The following DIAPH2 variants were observed in gnomAD, a reference collection of about 807,000 sequenced individuals.
DIAPH2 encodes the protein protein diaphanous homolog 2.
A neutral mutation model predicts 92.7 loss-of-function variants in DIAPH2; 35 were observed. The ratio of observed to expected loss-of-function variants is 0.38; its 90% CI spans 0.29 to 0.50. The LOEUF is 0.50. Ranked by LOEUF, DIAPH2 falls within the 20% of genes least tolerant of loss-of-function variation. The probability of loss-of-function intolerance (pLI) is 0.94; values close to 1 mark genes in which losing one functional copy is unlikely to be tolerated. For synonymous variants in DIAPH2, 301 were observed against 280.4 expected (o/e 1.07, Z -0.73); for missense variants, 701 against 819.5 (o/e 0.86, Z 1.77).
chrX:96,732,007 G>T (rs1454899057), intron 1 of DIAPH2, among the ~76,000 whole-genome samples: 1 of 110,458 alleles, frequency 9.1e-6, no homozygotes, highest in Admixed American at 9.7e-5. Context: ...AAGATTTTTG[G>T]GGGGGTCATT....
intron 23 of DIAPH2, among the ~76,000 whole-genome samples, chrX:97,302,595 G>C (rs752224299): frequency 9.0e-6 from 1 of 111,678 alleles, no homozygotes; most frequent in Admixed American, 9.6e-5. Flanking sequence ...CCTCTGAGGA[G>C]GCAGTGTAAC....
chrX:96,955,810 G>C (rs1018634656), intron 15 of DIAPH2, among the ~76,000 whole-genome samples: 3 of 112,623 alleles, frequency 2.7e-5, no homozygotes, highest in African/African-American at 9.7e-5. Context: ...CACAACCTTG[G>C]GCAGCTTTGC....
intron 4 of DIAPH2, among the ~76,000 whole-genome samples, chrX:96,772,217 A>C (rs1297870833): frequency 8.9e-6 from 1 of 112,374 alleles, no homozygotes; most frequent in Admixed American, 9.5e-5. Context: ...TAATCTTAAA[A>C]AGAAAAAGGC....
chrX:97,114,708 G>A lies in DIAPH2; in HGVS notation c.2350-18G>A, dbSNP rs2067005337. ...GGCATTAAATGTATATTCTCATAGG[G>A]TATTTCTTATCTTACAGATGAGCTC... On this transcript the variant is annotated intron_variant, in intron 20 of 26. Transcript: ENST00000324765. 1 of 1,189,591 alleles carries A rather than the reference G, an allele frequency of 8.4e-7. No individual in the cohort carries two copies.
intron 19 of DIAPH2, among the ~76,000 whole-genome samples, chrX:97,081,377 CTCTATG>C (rs1320448106): frequency 8.9e-6 from 1 of 111,819 alleles, no homozygotes; most frequent in Non-Finnish European, 1.9e-5. Flanking sequence ...TTTTTATTCT[CTCTATG>C]TCTATTATTG....
At chrX:97,194,005 CTG>C (rs1350207085) in intron 22 of DIAPH2, among the ~76,000 whole-genome samples, 1 of 111,514 alleles carries the variant, frequency 9.0e-6, no homozygotes, top group East Asian at 2.8e-4. Flanking sequence ...TCTGAAAACA[CTG>C]TGAGGACATA....
intron 3 of DIAPH2, among the ~76,000 whole-genome samples, chrX:96,757,368 T>C (rs960793818): frequency 8.9e-6 from 1 of 112,231 alleles, no homozygotes; most frequent in Non-Finnish European, 1.9e-5. Flanking sequence ...TCACCTATTC[T>C]GTAGATTGAC....
At chrX:96,894,093 TG>T (rs3838194) in intron 5 of DIAPH2, among the ~76,000 whole-genome samples, 42,725 of 110,490 alleles carry the variant, frequency 0.39, 7,125 homozygotes, top group South Asian at 0.54. Context: ...GAGACAGTTT[TG>T]GTGACCTCTT....
chrX:97,408,450 A>T (rs935052952), intron 25 of DIAPH2, among the ~76,000 whole-genome samples: 1 of 111,402 alleles, frequency 9.0e-6, no homozygotes, highest in Middle Eastern at 4.7e-3. Flanking sequence ...TATATGCCTT[A>T]GGAAGTTATT....
chrX:97,463,739 T>C (rs1185352995), intron 26 of DIAPH2, among the ~76,000 whole-genome samples: 1 of 110,970 alleles, frequency 9.0e-6, no homozygotes, highest in East Asian at 2.8e-4. Context: ...GGTTAAGTAC[T>C]ATTACTATAT....
rs1461852499 is a variant in DIAPH2, at chrX:97,298,675, C to T, written c.2845-49441C>T. The stretch of plus-strand genomic sequence containing the variant: ...TGTTACCCAGGCTGGGGTGTAGTGG[C>T]GCGATCTTGGCTCACTGCAAGCTCC... On this transcript the variant is annotated intron_variant, in intron 23 of 26. Coordinates refer to ENST00000324765, the MANE Select transcript of DIAPH2 (RefSeq NM_006729.5). 4.0e-5 allele frequency among the ~76,000 whole-genome samples: 4 copies of T among 100,403 alleles called. No individual in the cohort carries two copies. The East Asian group carries it at 9.3e-4, about 23-fold the overall frequency. 87.2% of individuals were successfully genotyped at this position (100,403 alleles called of 115,157 possible).
At chrX:97,588,282 A>C (rs1390055510) in intron 26 of DIAPH2, among the ~76,000 whole-genome samples, 2 of 112,350 alleles carry the variant, frequency 1.8e-5, no homozygotes, top group Non-Finnish European at 3.8e-5. Flanking sequence ...TAATAAGTTC[A>C]AAGACTACAC....
At chrX:96,891,160 C>T (rs1450293156) in intron 5 of DIAPH2, among the ~76,000 whole-genome samples, 1 of 111,855 alleles carries the variant, frequency 8.9e-6, no homozygotes, top group Non-Finnish European at 1.9e-5. Context: ...ATTTTGTGGC[C>T]ATGCATTTTT....
chrX:96,876,237 G>A (rs770985933), intron 4 of DIAPH2, among the ~76,000 whole-genome samples: 125 of 110,663 alleles, frequency 1.1e-3, no homozygotes, highest in African/African-American at 2.5e-3. Context: ...TTAGAATGGC[G>A]ATCATTAAAA....
intron 22 of DIAPH2, among the ~76,000 whole-genome samples, chrX:97,184,578 A>G (rs1337279532): frequency 1.8e-5 from 2 of 111,534 alleles, no homozygotes; most frequent in Non-Finnish European, 3.8e-5. Flanking sequence ...TTCTCAATCC[A>G]GCCAGATATT....
At chrX:96,965,956 C>G (rs2065891058) in intron 17 of DIAPH2, among the ~76,000 whole-genome samples, 1 of 111,144 alleles carries the variant, frequency 9.0e-6, no homozygotes, top group Non-Finnish European at 1.9e-5. Flanking sequence ...CTGAATGAGT[C>G]CTTGCAGTTG....
At chrX:97,560,010 TC>T (rs1208156470) in intron 26 of DIAPH2, among the ~76,000 whole-genome samples, 1 of 111,730 alleles carries the variant, frequency 9.0e-6, no homozygotes, top group Non-Finnish European at 1.9e-5. Context: ...CCTCTTCCAA[TC>T]CTACCCACGT....
intron 22 of DIAPH2, among the ~76,000 whole-genome samples, chrX:97,224,227 C>T (rs1018966186): frequency 8.1e-5 from 9 of 111,772 alleles, no homozygotes; most frequent in African/African-American, 2.9e-4. Flanking sequence ...TTAGTATCTG[C>T]TTCATCTTTT....
rs2147663548 is a variant in DIAPH2, at chrX:96,812,492, TTGAAGG to T, written c.447+54235_447+54240del. The stretch of plus-strand genomic sequence containing the variant: ...CCATCTCTTGGATTCACTGATTTTT[TTGAAGG>T]GTATTTTGTGTCTTTATCTCCTTCA... On this transcript the variant is annotated intron_variant, in intron 4 of 26. Transcript: ENST00000324765. Among the ~76,000 whole-genome samples the T allele has an allele frequency of 2.7e-5, 3 of 111,882 alleles. No homozygotes were observed. In the East Asian group the frequency reaches 8.4e-4, roughly 31 times the overall value.
Sources: gnomAD v4.1 joint callset for allele counts (sites outside exome capture counted in the v4.1 genomes callset) on GRCh38, gnomAD v4.1.1 for gene constraint, MANE v1.5 for transcripts, NCBI Gene and HGNC (gene_info 2026-07-23, HGNC 2026-07-21) for gene names.